PALM2AKAP2: variants seen among roughly 807,000 people sequenced by gnomAD.
PALM2AKAP2 encodes PALM2-AKAP2 fusion protein.
In PALM2AKAP2, 37 loss-of-function variants were observed where a neutral mutation model predicts 71.5. The observed-to-expected ratio is 0.52, with a 90% CI of 0.40 to 0.68. The LOEUF is 0.68. Among genes scored for constraint, PALM2AKAP2 ranks in the 30% least tolerant of loss-of-function variants. PALM2AKAP2 has a pLI of 0.00. For missense variants in PALM2AKAP2, 1,224 were observed against 1,191.8 expected (o/e 1.03, Z -0.40); for synonymous variants, 468 against 478.8 (o/e 0.98, Z 0.29).
chr9:109,670,753 C>T (rs1043311347), intron 1 of PALM2AKAP2, among the ~76,000 whole-genome samples: 15 of 152,088 alleles, frequency 9.9e-5, no homozygotes, highest in African/African-American at 3.6e-4. Flanking sequence ...ATAAGGATTC[C>T]TTTTTCTCCA....
intron 1 of PALM2AKAP2, among the ~76,000 whole-genome samples, chr9:109,765,726 C>A (rs536194038): frequency 1.3e-5 from 2 of 152,254 alleles, no homozygotes; most frequent in South Asian, 2.1e-4. Flanking sequence ...ATCACTAGGG[C>A]AGTTTGTAAA....
chr9:109,709,423 T>G (rs369706214), intron 1 of PALM2AKAP2, among the ~76,000 whole-genome samples: 57 of 152,214 alleles, frequency 3.7e-4, no homozygotes, highest in Admixed American at 3.9e-4. Flanking sequence ...CTCCCCTGGA[T>G]GCTGCTTGCT....
intron 6 of PALM2AKAP2, among the ~76,000 whole-genome samples, chr9:109,970,668 T>C (rs1452517378): frequency 6.6e-6 from 1 of 152,224 alleles, no homozygotes; most frequent in East Asian, 1.9e-4. Flanking sequence ...TGACCCAGGA[T>C]GAGTTAATAG....
At chr9:109,988,549 A>AAGGG (rs1388509753) in intron 6 of PALM2AKAP2, among the ~76,000 whole-genome samples, 1 of 150,156 alleles carries the variant, frequency 6.7e-6, no homozygotes, top group Admixed American at 6.7e-5. Context: ...AGAAGGAAGA[A>AAGGG]AGGGAGGGAG....
Position 110,015,947 on chromosome 9 carries a change from C to G in PALM2AKAP2, c.497-7C>G. The G allele has an allele frequency of 6.2e-7, 1 of 1,612,602 alleles. No homozygotes were observed. Among genetic ancestry groups the G allele is most frequent in the South Asian group, 1.1e-5 (1 of 90,834 alleles). ...GGCTCAAATGGCACTTCTTTTTTTTCTTTCAGGAGTCGGGTGGGAGAATGT... is the reference window on the plus strand; with the variant it reads ...GGCTCAAATGGCACTTCTTTTTTTTGTTTCAGGAGTCGGGTGGGAGAATGT... On this transcript the variant is annotated splice_region_variant and splice_polypyrimidine_tract_variant and intron_variant, in intron 6 of 9. Coordinates refer to the PALM2AKAP2 transcript ENST00000302798.
chr9:110,045,499 G>A (rs931226176), upstream of PALM2AKAP2, among the ~76,000 whole-genome samples: 41 of 152,102 alleles, frequency 2.7e-4, no homozygotes, highest in African/African-American at 8.9e-4. Flanking sequence ...AGCTGTTAAC[G>A]CAGTTTCCTT....
At chr9:110,100,790 T>TGACAAAGAC (rs1834979579) in intron 1 of PALM2AKAP2, among the ~76,000 whole-genome samples, 2 of 152,182 alleles carry the variant, frequency 1.3e-5, no homozygotes. Flanking sequence ...AGTGGGCACA[T>TGACAAAGAC]GACAAAGACA....
At chr9:109,776,937 A>G (rs1829357249), upstream of PALM2AKAP2, among the ~76,000 whole-genome samples, 1 of 152,202 alleles carries the variant, frequency 6.6e-6, no homozygotes, top group Admixed American at 6.5e-5. Context: ...GTCTATTCCT[A>G]GTAAATTCAA....
intron 6 of PALM2AKAP2, among the ~76,000 whole-genome samples, chr9:109,989,437 G>A (rs915733245): frequency 6.6e-6 from 1 of 152,176 alleles, no homozygotes; most frequent in Non-Finnish European, 1.5e-5. Context: ...GCTCTCCTGT[G>A]ATCAAGATGG....
chr9:110,118,144 C>T (rs1835407349), intron 1 of PALM2AKAP2, among the ~76,000 whole-genome samples: 1 of 150,370 alleles, frequency 6.7e-6, no homozygotes. Flanking sequence ...TAATAGGGAA[C>T]TGATCTTTTT....
intron 3 of PALM2AKAP2, among the ~76,000 whole-genome samples, chr9:109,898,261 A>T (rs1225548998): frequency 6.6e-6 from 1 of 152,218 alleles, no homozygotes; most frequent in East Asian, 1.9e-4. Context: ...AGCAACATCA[A>T]GGTCAAGCTC....
chr9:109,880,829 A>G (rs961198872), intron 3 of PALM2AKAP2, 148 bp downstream of exon 3: 7 of 1,218,756 alleles, frequency 5.7e-6, no homozygotes, highest in Non-Finnish European at 7.6e-6. Context: ...TGTTGTTTAA[A>G]CTTTTCCAGA....
chr9:109,875,415 G>A (rs1829700253), intron 2 of PALM2AKAP2, among the ~76,000 whole-genome samples: 1 of 152,176 alleles, frequency 6.6e-6, no homozygotes, highest in African/African-American at 2.4e-5. Context: ...GTAGGGACTT[G>A]CCTGTCTTCC....
chr9:109,850,551 GT>G (rs1828981752), intron 1 of PALM2AKAP2, among the ~76,000 whole-genome samples: 1 of 152,096 alleles, frequency 6.6e-6, no homozygotes, highest in African/African-American at 2.4e-5. Context: ...ATGTCAGCTG[GT>G]GAGGATGAGA....
At chr9:109,884,307 C>CA (rs2131779207) in intron 3 of PALM2AKAP2, among the ~76,000 whole-genome samples, 1 of 152,122 alleles carries the variant, frequency 6.6e-6, no homozygotes, top group Admixed American at 6.5e-5. Context: ...ACTAAAAATA[C>CA]AAAAATTAGA....
rs545225567 is a variant in PALM2AKAP2, at chr9:109,833,398, T to G, written c.46-34093T>G. Among the ~76,000 whole-genome samples, 492 of 152,240 alleles carry G rather than the reference T, an allele frequency of 3.2e-3. 4 individuals are homozygous for G. The highest frequency in any genetic ancestry group is 4.5e-3 in the Non-Finnish European group (304 of 68,010). ...ATAAAACATGAAGTTCCCAACCATG[T>G]GCTGTGTAGTGAGCACCATGGTGGC... On this transcript the variant is annotated intron_variant, in intron 1 of 9. Transcript: ENST00000302798.
At chr9:110,145,407 A>AT (rs1836140027) in intron 2 of PALM2AKAP2, among the ~76,000 whole-genome samples, 1 of 152,198 alleles carries the variant, frequency 6.6e-6, no homozygotes, top group Non-Finnish European at 1.5e-5. Context: ...AAGCTCTGCC[A>AT]TTTACTCCAG....
intron 1 of PALM2AKAP2, among the ~76,000 whole-genome samples, chr9:109,737,471 G>C (rs1828654322): frequency 6.6e-6 from 1 of 152,204 alleles, no homozygotes; most frequent in Non-Finnish European, 1.5e-5. Flanking sequence ...GTATTTGGAA[G>C]AAGAGGCAAG....
rs1830245788 is a variant in PALM2AKAP2 at position 109,898,102 on chromosome 9, A to G, written c.257+17421A>G. ...CTATTTGTGGATTTCTCTCTTCTCA[A>G]AGGAGAATTAATCAGAGAACAACTT... On this transcript the variant is annotated intron_variant, in intron 3 of 9. Coordinates refer to the PALM2AKAP2 transcript ENST00000302798. Among the ~76,000 whole-genome samples, 3 of 152,318 alleles carry G rather than the reference A, an allele frequency of 2.0e-5. No individual in the cohort carries two copies. In the South Asian group the frequency reaches 6.2e-4, roughly 32 times the overall value.
Sources: allele counts gnomAD v4.1 joint callset (sites outside exome capture counted in the v4.1 genomes callset), GRCh38; gene constraint gnomAD v4.1.1; transcripts MANE v1.5; gene names NCBI Gene and HGNC (gene_info 2026-07-23, HGNC 2026-07-21).